Variants in TMEM150B observed in about 807,000 individuals in gnomAD.
TMEM150B encodes transmembrane protein 150B.
TMEM150B carries 33 observed loss-of-function variants against 25.2 expected under a neutral mutation model. The observed-to-expected ratio is 1.31, with a 90% confidence interval of 0.99 to 1.75. TMEM150B has a LOEUF of 1.75. Ranked by LOEUF, TMEM150B falls within the 40% of genes most tolerant of loss-of-function variation. The pLI is 0.00. For synonymous variants in TMEM150B, 133 were observed against 134.8 expected, an observed-to-expected ratio of 0.99 and a Z score of 0.09; for missense variants, 322 against 306.1, an observed-to-expected ratio of 1.05 and a Z score of -0.39.
rs1267932679 is a variant in TMEM150B, at chr19:55,313,007, T to A, written c.554A>T (p.Glu185Val). The A allele has an allele frequency of 6.2e-7, 1 of 1,613,544 alleles. No individual in the cohort carries two copies. Among genetic ancestry groups the A allele is most frequent in the Non-Finnish European group, 8.5e-7 (1 of 1,179,852 alleles). ...GAACAGCAGCATGGCCACGACCCAC[T>A]CGCAGGCCGCAGAGACGCTACGCAG... ...CSLRSVSAAC[E>V]WVVAMLLFAL... Residue 185 changes from glutamate to valine, a missense_variant, in exon 8 of 8, where the codon GAG becomes GTG. Coordinates refer to ENST00000326652, the MANE Select transcript of TMEM150B (RefSeq NM_001282011.2).
chr19:55,318,579 T>A (rs1310302757), intron 6 of TMEM150B, among the ~76,000 whole-genome samples: 1 of 152,008 alleles, frequency 6.6e-6, no homozygotes, highest in Non-Finnish European at 1.5e-5. Flanking sequence ...GAGGTTGCGG[T>A]GAGCCAAGAT....
At chr19:55,324,338 A>T (rs1247538565) in intron 1 of TMEM150B, among the ~76,000 whole-genome samples, 1 of 151,016 alleles carries the variant, frequency 6.6e-6, no homozygotes, top group Non-Finnish European at 1.5e-5. Context: ...ACCTGTCTCT[A>T]CTAAAAATAC....
chr19:55,323,794 C>A (rs888078690), intron 1 of TMEM150B, among the ~76,000 whole-genome samples: 24 of 144,258 alleles, frequency 1.7e-4, no homozygotes, highest in African/African-American at 6.2e-4. Flanking sequence ...TGAGACACTG[C>A]GCCCAACCTT....
intron 6 of TMEM150B, chr19:55,319,821 C>T (rs1418512401): frequency 1.2e-5 from 17 of 1,379,010 alleles, no homozygotes; most frequent in South Asian, 1.7e-5. Flanking sequence ...TGGAAGTCAA[C>T]GAAGTCCTAC....
In TMEM150B at chr19:55,320,462, G is replaced by A; in HGVS notation, c.129-4C>T. 6.3e-7 allele frequency: 1 copy of A among 1,597,102 alleles called. No homozygotes were observed. The highest frequency in any genetic ancestry group is 1.1e-5 in the South Asian group (1 of 89,120). On this transcript the variant is annotated splice_region_variant and splice_polypyrimidine_tract_variant and intron_variant, in intron 4 of 7. Coordinates refer to ENST00000326652, the MANE Select transcript of TMEM150B (RefSeq NM_001282011.2). Reference sequence around the variant, plus strand: ...AGGGGGGAAGGATCCGCAGATGCTGGGGAAGACAAAGGGGTCATCCTGGGC... The same window carrying A: ...AGGGGGGAAGGATCCGCAGATGCTGAGGAAGACAAAGGGGTCATCCTGGGC...
downstream of TMEM150B, chr19:55,312,573 AT>A: frequency 2.9e-6 from 1 of 345,876 alleles, no homozygotes; most frequent in Non-Finnish European, 5.2e-6. Flanking sequence ...GATAATAATA[AT>A]AAATAGCCTT....
At chr19:55,310,989 C>T (rs887739700), downstream of TMEM150B, among the ~76,000 whole-genome samples, 33 of 152,114 alleles carry the variant, frequency 2.2e-4, 1 homozygote, top group Admixed American at 3.9e-4. This position sits in a 1 kb window ranked among gnomAD's most constrained non-coding sequence, Gnocchi z 5.0. Flanking sequence ...GAGACAGAAT[C>T]TCCCTCTGTC....
downstream of TMEM150B, among the ~76,000 whole-genome samples, chr19:55,309,734 A>T (rs1022255606): frequency 6.6e-6 from 1 of 152,216 alleles, no homozygotes; most frequent in African/African-American, 2.4e-5. Flanking sequence ...GGGAGGATGC[A>T]GTGTTCAGTA....
At chr19:55,322,555 A>G in intron 2 of TMEM150B, 93 bp downstream of exon 2, 1 of 468,542 alleles carries the variant, frequency 2.1e-6, no homozygotes, top group South Asian at 9.1e-5. Flanking sequence ...GTTCAGTCCT[A>G]GCTCACACAT....
downstream of TMEM150B, chr19:55,312,182 A>G: frequency 2.9e-6 from 1 of 339,386 alleles, no homozygotes. Flanking sequence ...GGACACAAAA[A>G]CCGGCCTTGC....
In TMEM150B at chr19:55,325,292, G is replaced by A. The variant is rs2089304272; in HGVS notation, c.-174C>T. The A allele has an allele frequency of 2.8e-5, 28 of 985,352 alleles. No individual in the cohort carries two copies. The highest frequency in any genetic ancestry group is 3.4e-5 in the Non-Finnish European group (28 of 829,940). 61.0% of individuals were successfully genotyped at this position (985,352 alleles called of 1,614,324 possible). A position where few individuals can be genotyped will look rare whatever the true frequency, so the allele number is the denominator to read the frequency against. On this transcript the variant is annotated 5_prime_UTR_variant, in exon 1 of 8. Transcript: ENST00000326652. ...CTCACCGGCCACGGGTAGGTTGGGT[G>A]TCTGGAGCCTGAAGGATCCTTCCAG...
chr19:55,319,922 A>G (rs1424615760), intron 6 of TMEM150B, 117 bp downstream of exon 6: 3 of 1,524,292 alleles, frequency 2.0e-6, no homozygotes, highest in East Asian at 4.7e-5. Flanking sequence ...TACAAGTCCC[A>G]GGAGGGCCGG....
At chr19:55,312,069 C>A (rs2088813079), downstream of TMEM150B, 2 of 1,419,496 alleles carry the variant, frequency 1.4e-6, no homozygotes, top group Non-Finnish European at 1.8e-6. Flanking sequence ...TCTGCCCTGA[C>A]CCCACGGGGC....
intron 7 of TMEM150B, among the ~76,000 whole-genome samples, chr19:55,314,963 C>A (rs371414279): frequency 1.3e-5 from 2 of 152,156 alleles, no homozygotes; most frequent in African/African-American, 4.8e-5. Flanking sequence ...TGAGAAAGAC[C>A]CCCCAAGGCT....
At chr19:55,318,014 G>A (rs2123088514) in intron 6 of TMEM150B, among the ~76,000 whole-genome samples, 1 of 151,974 alleles carries the variant, frequency 6.6e-6, no homozygotes, top group African/African-American at 2.4e-5. Flanking sequence ...TGGGAAGAGG[G>A]GAGAACCAGG....
downstream of TMEM150B, among the ~76,000 whole-genome samples, chr19:55,310,260 C>G (rs1266844095): frequency 3.3e-5 from 5 of 152,216 alleles, no homozygotes; most frequent in African/African-American, 1.2e-4. This position sits in a 1 kb window ranked among gnomAD's most constrained non-coding sequence, Gnocchi z 5.0. Context: ...CCTGGAGGCT[C>G]TCTGGCAGAG....
At chr19:55,323,925 G>A (rs2089271154) in intron 1 of TMEM150B, among the ~76,000 whole-genome samples, 2 of 147,572 alleles carry the variant, frequency 1.4e-5, no homozygotes. Context: ...TCATGCCTCA[G>A]CCTCCCAAGT....
chr19:55,312,113 C>T (rs2088814917), downstream of TMEM150B: 1 of 830,464 alleles, frequency 1.2e-6, no homozygotes, highest in Non-Finnish European at 1.8e-6. Flanking sequence ...CACCCCCCTT[C>T]CGTGCCCCCC....
chr19:55,319,699 C>A, intron 6 of TMEM150B: 1 of 1,064,726 alleles, frequency 9.4e-7, no homozygotes, highest in South Asian at 2.8e-5. Flanking sequence ...ATCCGCCTGC[C>A]TCCGCCTCCC....
Sources: gnomAD v4.1 joint callset for allele counts (sites outside exome capture counted in the v4.1 genomes callset) on GRCh38, gnomAD v4.1.1 for gene constraint, Gnocchi (gnomAD v3.1) non-coding constraint, MANE v1.5 for transcripts, NCBI Gene and HGNC (gene_info 2026-07-23, HGNC 2026-07-21) for gene names.